MACF1: variants seen among roughly 807,000 people sequenced by gnomAD.
MACF1 encodes microtubule actin crosslinking factor 1.
MACF1 carries 193 observed loss-of-function variants against 854.8 expected under a neutral mutation model. That is an observed-to-expected ratio of 0.23 (90% CI 0.20 to 0.25). The LOEUF (loss-of-function observed/expected upper bound fraction) is 0.25, where lower values mean the gene tolerates loss of function less well. Ranked by LOEUF, MACF1 falls within the 10% of genes least tolerant of loss-of-function variation. The pLI is 1.00. For missense variants in MACF1, 7,722 were observed against 8,929.1 expected, an observed-to-expected ratio of 0.86 and a Z score of 5.45; for synonymous variants, 3,185 against 3,226.7, an observed-to-expected ratio of 0.99 and a Z score of 0.44.
chr1:39,173,183 G>A (rs1643975945), intron 2 of MACF1, among the ~76,000 whole-genome samples: 1 of 151,828 alleles, frequency 6.6e-6, no homozygotes, highest in Non-Finnish European at 1.5e-5. Context: ...CTACTAAAAT[G>A]CAAAAAATTA....
chr1:39,443,441 A>C lies in MACF1; in HGVS notation c.19303-5A>C. The C allele has an allele frequency of 1.9e-6, 3 of 1,599,624 alleles. No homozygotes were observed. Among genetic ancestry groups the C allele is most frequent in the Non-Finnish European group, 1.7e-6 (2 of 1,176,056 alleles). On this transcript the variant is annotated splice_polypyrimidine_tract_variant and splice_region_variant and intron_variant, in intron 78 of 100. Transcript: ENST00000564288. Reference sequence around the variant, plus strand: ...GACATGGTTGATATATCTTTTTCTCAAAAGGCCCAGGGCTTCCACAGTGAA... The same window carrying C: ...GACATGGTTGATATATCTTTTTCTCCAAAGGCCCAGGGCTTCCACAGTGAA...
At chr1:39,469,446 C>T (rs151065322) in intron 96 of MACF1, 101 bp from the exon 97 acceptor site, 27 of 814,260 alleles carry the variant, frequency 3.3e-5, no homozygotes, top group Middle Eastern at 4.6e-4. Context: ...CATGTGGGTG[C>T]ACAGGAGGCT....
At chr1:39,167,027 T>C (rs1280924721) in intron 2 of MACF1, among the ~76,000 whole-genome samples, 3 of 151,940 alleles carry the variant, frequency 2.0e-5, no homozygotes, top group Non-Finnish European at 4.4e-5. Flanking sequence ...AATGGCACAA[T>C]CTCGGCTCAC....
Position 39,370,128 on chromosome 1 carries a change from C to T in MACF1, c.13037C>T (p.Pro4346Leu), listed in dbSNP as rs1649099907. 6.2e-7 allele frequency: 1 copy of T among 1,613,984 alleles called. No homozygotes were observed. ...KWLKETEGSI[P>L]PTETSMSAKE... ...TTGAAAGAAACTGAAGGGAGTATTC[C>T]ACCTACGGAAACTTCTATGAGTGCT... The change falls in exon 51 of 101, where the codon CCA becomes CTA. Residue 4346 changes from proline to leucine, a missense_variant. This residue lies in a region of MACF1 where 2,807 missense variants were observed against 3,235.8 expected (regional missense o/e 0.87). Coordinates refer to ENST00000564288, the MANE Select transcript of MACF1 (RefSeq NM_001394062.1).
chr1:39,369,887 G>A, intron 50 of MACF1, 143 bp from the exon 51 acceptor site: 3 of 723,304 alleles, frequency 4.1e-6, no homozygotes, highest in South Asian at 2.0e-5. Flanking sequence ...CGGTTGTTCA[G>A]CCAAACCTGC....
At chr1:39,244,249 C>T (rs1011865878) in intron 2 of MACF1, among the ~76,000 whole-genome samples, 21 of 151,500 alleles carry the variant, frequency 1.4e-4, no homozygotes, top group African/African-American at 3.9e-4. Context: ...GAATGTAAGG[C>T]GCGCCCCACC....
At chr1:39,252,653 A>G (rs1645054056) in intron 4 of MACF1, among the ~76,000 whole-genome samples, 2 of 152,218 alleles carry the variant, frequency 1.3e-5, no homozygotes, top group Admixed American at 6.5e-5. Context: ...CATTTTAAAA[A>G]TATCATTTGT....
In MACF1 at chr1:39,365,778, C is replaced by T. The variant is rs537168236; in HGVS notation, c.12772-2370C>T. On this transcript the variant is annotated intron_variant, in intron 49 of 100. Coordinates refer to ENST00000564288, the MANE Select transcript of MACF1 (RefSeq NM_001394062.1). ...GCAACCTCTGCCTTCCAGGTTCAAG[C>T]GATTCTCCTGCCTCAGGCTCCCAAG... Among the ~76,000 whole-genome samples, 127 of 151,590 alleles carry T rather than the reference C, an allele frequency of 8.4e-4. 1 individual carries two copies. The highest frequency in any genetic ancestry group is 8.2e-3 in the Admixed American group (124 of 15,184).
At chr1:39,144,080 CTTTT>C (rs1430433191) in intron 2 of MACF1, among the ~76,000 whole-genome samples, 1 of 107,610 alleles carries the variant, frequency 9.3e-6, no homozygotes. Context: ...AGCCACGGCG[CTTTT>C]TTTTTTTTTT....
intron 58 of MACF1, among the ~76,000 whole-genome samples, chr1:39,391,029 T>A (rs1642013076): frequency 2.0e-5 from 3 of 151,486 alleles, no homozygotes; most frequent in Non-Finnish European, 2.9e-5. Flanking sequence ...GAGAATGGCA[T>A]GAACCCAGGA....
At chr1:39,250,185 C>T (rs1460880589) in intron 3 of MACF1, 82 bp downstream of exon 3, 2 of 863,196 alleles carry the variant, frequency 2.3e-6, no homozygotes, top group Non-Finnish European at 1.9e-6. Flanking sequence ...GCAAGGGCAG[C>T]AGCCATCACT....
chr1:39,479,390 T>A (rs1644973535), intron 97 of MACF1, among the ~76,000 whole-genome samples: 1 of 152,210 alleles, frequency 6.6e-6, no homozygotes. Flanking sequence ...ACTCTTTCAT[T>A]ACCACATATC....
chr1:39,439,999 T>A (rs150251203), intron 72 of MACF1, among the ~76,000 whole-genome samples: 5 of 144,888 alleles, frequency 3.5e-5, no homozygotes, highest in South Asian at 4.5e-4. Flanking sequence ...TGGTAGAAAA[T>A]AAAAATCAAT....
chr1:39,460,499 A>G lies in MACF1; in HGVS notation c.21361-133A>G. On this transcript the variant is annotated intron_variant, in intron 91 of 100. Transcript: ENST00000564288. The surrounding 1 kb of genome is among the most constrained non-coding windows in gnomAD (Gnocchi z 4.1). ...CAGATTGTGCCTTCACAAAAGAAGC[A>G]AACACATAGATTTCATTGTTGATGG... 2.7e-6 allele frequency: 2 copies of G among 745,268 alleles called. No homozygotes were observed. The highest frequency in any genetic ancestry group is 4.5e-6 in the Non-Finnish European group (2 of 446,886). The allele number at this position is 745,268 out of a possible 1,614,324, so 46.2% of individuals were successfully genotyped here.
Position 39,318,606 on chromosome 1 carries a change from C to T in MACF1, c.3936C>T (p.Ser1312=). ...GCAGAGTGCTTTCGGAGCAGCTCAG[C>T]CAGCAGACGGTGAGTGTGGTAGTAG... ...EDSRVLSEQL[S]QQTALFAEIE... is the part of the protein sequence containing the mutation. Residue 1312 remains serine (S), a synonymous_variant, in exon 30 of 101, where the codon AGC becomes AGT. Coordinates refer to ENST00000564288, the MANE Select transcript of MACF1 (RefSeq NM_001394062.1). The T allele has an allele frequency of 6.2e-7, 1 of 1,609,926 alleles. No individual in the cohort carries two copies. The highest frequency in any genetic ancestry group is 8.5e-7 in the Non-Finnish European group (1 of 1,178,084).
chr1:39,094,611 G>A (rs772967578), intron 2 of MACF1, among the ~76,000 whole-genome samples: 4 of 151,552 alleles, frequency 2.6e-5, no homozygotes, highest in East Asian at 1.9e-4. Flanking sequence ...CCAGCTACTC[G>A]GGAGGCTGAG....
At position 39,443,425 on chromosome 1, in the gene MACF1, GAT is replaced by G; in HGVS notation, c.19303-16_19303-15del. 2 of 1,596,894 alleles carry G rather than the reference GAT, an allele frequency of 1.3e-6. No homozygotes were observed. The highest frequency in any genetic ancestry group is 1.7e-6 in the Non-Finnish European group (2 of 1,175,062). On this transcript the variant is annotated intron_variant, in intron 78 of 100. Transcript: ENST00000564288. The stretch of plus-strand genomic sequence containing the variant: ...CTGAGAAATGACTACTGACATGGTT[GAT>G]ATATCTTTTTCTCAAAAGGCCCAGG...
At chr1:39,462,090 T>G (rs1245151940) in intron 93 of MACF1, 53 bp downstream of exon 93, 2 of 1,582,562 alleles carry the variant, frequency 1.3e-6, no homozygotes, top group Non-Finnish European at 8.6e-7. Flanking sequence ...GTTTGTAATA[T>G]CCTGAATTTG....
At chr1:39,200,704 A>G (rs1212006787), upstream of MACF1, among the ~76,000 whole-genome samples, 2 of 148,476 alleles carry the variant, frequency 1.3e-5, no homozygotes, top group African/African-American at 2.5e-5. Flanking sequence ...ATCTCAGAGA[A>G]AAAAAAAAAA....
Sources: allele counts gnomAD v4.1 joint callset (sites outside exome capture counted in the v4.1 genomes callset), GRCh38; gene constraint gnomAD v4.1.1; regional missense constraint gnomAD v4.1.1; non-coding constraint Gnocchi (gnomAD v3.1); transcripts MANE v1.5; gene names NCBI Gene and HGNC (gene_info 2026-07-23, HGNC 2026-07-21).